Variants in SPTBN4 observed in about 807,000 individuals in gnomAD.
SPTBN4 encodes spectrin beta, non-erythrocytic 4.
A neutral mutation model predicts 277.8 loss-of-function variants in SPTBN4; 96 were observed. The observed-to-expected ratio is 0.35, with a 90% confidence interval of 0.29 to 0.41. SPTBN4 has a LOEUF of 0.41. Ranked by LOEUF, SPTBN4 falls within the 10% of genes least tolerant of loss-of-function variation. The probability of loss-of-function intolerance (pLI) is 1.00; values close to 1 mark genes in which losing one functional copy is unlikely to be tolerated. For synonymous variants in SPTBN4, 1,481 were observed against 1,580.3 expected, an observed-to-expected ratio of 0.94 and a Z score of 1.49; for missense variants, 3,006 against 3,595.7, an observed-to-expected ratio of 0.84 and a Z score of 4.19.
chr19:40,490,150 C>G lies in SPTBN4; in HGVS notation c.397C>G (p.Gln133Glu). The change falls in exon 4 of 36, where the codon CAG becomes GAG. Residue 133 changes from glutamine to glutamate, a missense_variant. By Grantham distance (29) the Gln-to-Glu change is conservative. This residue lies in a region of SPTBN4 where 114 missense variants were observed against 196.1 expected (regional missense o/e 0.58). Coordinates refer to ENST00000598249, the MANE Select transcript of SPTBN4 (RefSeq NM_020971.3). This position sits in a 1 kb window ranked among gnomAD's most constrained non-coding sequence, Gnocchi z 4.3. Reference sequence around the variant, plus strand: ...CAAGGCGCTGCAGTTTCTGAAGGAGCAGCGCGTGCACCTGGAGAACGTGGG... The same window carrying G: ...CAAGGCGCTGCAGTTTCTGAAGGAGGAGCGCGTGCACCTGGAGAACGTGGG... ...VDKALQFLKE[Q>E]RVHLENVGSH... The G allele has an allele frequency of 6.2e-7, 1 of 1,614,200 alleles. No individual in the cohort carries two copies. The highest frequency in any genetic ancestry group is 8.5e-7 in the Non-Finnish European group (1 of 1,180,022).
chr19:40,503,963 G>C lies in SPTBN4; in HGVS notation c.1496G>C (p.Gly499Ala). 6.2e-7 allele frequency: 1 copy of C among 1,613,970 alleles called. No homozygotes were observed. Among genetic ancestry groups the C allele is most frequent in the Non-Finnish European group, 8.5e-7 (1 of 1,179,998 alleles). The change falls in exon 12 of 36, where the codon GGC becomes GCC. Residue 499 changes from glycine to alanine, a missense_variant. By Grantham distance (60) the Gly-to-Ala change is moderately conservative. Coordinates refer to ENST00000598249, the MANE Select transcript of SPTBN4 (RefSeq NM_020971.3). ...CTGGCCCAGGCATTGGCAGCCGAAG[G>C]CTACTACGATATCCGGCGGGTGGCA... ...AELAQALAAE[G>A]YYDIRRVAAQ...
chr19:40,557,415 G>A lies in SPTBN4; in HGVS notation c.5670+12G>A. ...TCCTCGTGTCCCAGGTGGGGCGCCG[G>A]TGGCCATCAGGGCAGGTGGGAGGGC... On this transcript the variant is annotated intron_variant, in intron 26 of 35. Coordinates refer to ENST00000598249, the MANE Select transcript of SPTBN4 (RefSeq NM_020971.3). 6.5e-7 allele frequency: 1 copy of A among 1,545,408 alleles called. No homozygotes were observed. The highest frequency in any genetic ancestry group is 1.9e-5 in the Admixed American group (1 of 52,404).
intron 33 of SPTBN4, 134 bp downstream of exon 33, chr19:40,570,862 A>T: frequency 8.7e-6 from 7 of 804,974 alleles, no homozygotes; most frequent in Non-Finnish European, 1.1e-5. Flanking sequence ...GTGGGGCCAG[A>T]GCTGGGGGGT....
intron 2 of SPTBN4, among the ~76,000 whole-genome samples, chr19:40,478,321 T>TA (rs755651079): frequency 0.014 from 1,998 of 142,584 alleles, 31 homozygotes; most frequent in African/African-American, 0.044. Flanking sequence ...CCCTTTAAGA[T>TA]AAAAAAAAAA....
intron 20 of SPTBN4, among the ~76,000 whole-genome samples, chr19:40,544,124 C>T (rs2080829963): frequency 9.0e-6 from 1 of 111,576 alleles, no homozygotes; most frequent in African/African-American, 3.6e-5. Flanking sequence ...TCTTCTTCTT[C>T]CTCTTTTTTT....
In SPTBN4 at chr19:40,512,623, C is replaced by T; in HGVS notation, c.1834C>T (p.Pro612Ser). ...SQLQGYQPCD[P>S]QVICNRVNHV... ...TGGCTCAGGCTACCAGCCCTGCGAC[C>T]CGCAGGTCATCTGCAACCGCGTGAA... The change falls in exon 14 of 36, where the codon CCG (proline) becomes TCG (serine). Residue 612 changes from proline to serine, a missense_variant. By Grantham distance (74) the Pro-to-Ser change is moderately conservative. Transcript: ENST00000598249. 6.5e-7 allele frequency: 1 copy of T among 1,539,578 alleles called. No individual in the cohort carries two copies. Among genetic ancestry groups the T allele is most frequent in the Non-Finnish European group, 8.7e-7 (1 of 1,150,896 alleles).
chr19:40,472,619 C>T lies in SPTBN4; in HGVS notation c.-3C>T, dbSNP rs2079897543. The T allele has an allele frequency of 6.2e-7, 1 of 1,610,326 alleles. No individual in the cohort carries two copies. The highest frequency in any genetic ancestry group is 1.3e-5 in the African/African-American group (1 of 74,880). ...TCCCTATGTCCAGGCCTCACCTTCCCCGATGGCGCAGGTACCAGGGGAAGT... is the reference window on the plus strand; with the variant it reads ...TCCCTATGTCCAGGCCTCACCTTCCTCGATGGCGCAGGTACCAGGGGAAGT... On this transcript the variant is annotated 5_prime_UTR_variant, in exon 2 of 36. Coordinates refer to ENST00000598249, the MANE Select transcript of SPTBN4 (RefSeq NM_020971.3).
chr19:40,467,534 G>T (rs751868813), intron 1 of SPTBN4, among the ~76,000 whole-genome samples: 1 of 151,972 alleles, frequency 6.6e-6, no homozygotes, highest in Non-Finnish European at 1.5e-5. Flanking sequence ...CTCCTTGGGC[G>T]CAGTGTCTGG....
chr19:40,570,648 A>G lies in SPTBN4; in HGVS notation c.7239A>G (p.Pro2413=), dbSNP rs754059545. The change falls in exon 33 of 36, where the codon CCA becomes CCG. Residue 2413 remains proline (P), a synonymous_variant. Coordinates refer to ENST00000598249, the MANE Select transcript of SPTBN4 (RefSeq NM_020971.3). The part of the protein sequence containing the change: ...AQGGSAPAPP[P]PPTHTVQHEG... ...GCGGCTCCGCCCCCGCGCCTCCGCC[A>G]CCGCCCACTCACACAGTGCAGCACG... 18 of 1,521,704 alleles carry G rather than the reference A, an allele frequency of 1.2e-5. No homozygotes were observed. The highest frequency in any genetic ancestry group is 1.5e-5 in the Non-Finnish European group (17 of 1,137,902). The allele number at this position is 1,521,704 out of a possible 1,614,324, so 94.3% of individuals were successfully genotyped here.
At chr19:40,556,965 G>A (rs952648410) in intron 25 of SPTBN4, 58 bp from the exon 26 acceptor site, 25 of 1,501,050 alleles carry the variant, frequency 1.7e-5, no homozygotes, top group Admixed American at 2.3e-5. Flanking sequence ...GAGGGGGCTG[G>A]TGTATGCTGC....
rs772644168 is a variant in SPTBN4 at position 40,490,162 on chromosome 19, C to A, written c.409C>A (p.Leu137Met). The A allele has an allele frequency of 1.2e-6, 2 of 1,614,216 alleles. No homozygotes were observed. Among genetic ancestry groups the A allele is most frequent in the South Asian group, 2.2e-5 (2 of 91,082 alleles). Reference sequence around the variant, plus strand: ...GTTTCTGAAGGAGCAGCGCGTGCACCTGGAGAACGTGGGTTCGCATGACAT... The same window carrying A: ...GTTTCTGAAGGAGCAGCGCGTGCACATGGAGAACGTGGGTTCGCATGACAT... ...LQFLKEQRVH[L>M]ENVGSHDIVD... Residue 137 changes from leucine (L) to methionine (M), a missense_variant, in exon 4 of 36, where the codon CTG (leucine) becomes ATG (methionine). Around this residue, in one of 5 missense-constraint regions of SPTBN4, gnomAD observed 114 missense variants for 196.1 expected, o/e 0.58. Transcript: ENST00000598249. This position sits in a 1 kb window ranked among gnomAD's most constrained non-coding sequence, Gnocchi z 4.3.
At chr19:40,489,388 T>TTTTG (rs999058935) in intron 3 of SPTBN4, among the ~76,000 whole-genome samples, 3 of 151,550 alleles carry the variant, frequency 2.0e-5, no homozygotes, top group East Asian at 3.9e-4. Flanking sequence ...GACGCGGAGT[T>TTTTG]TTTGTTTGTT....
rs1019085034 is a variant in SPTBN4, at chr19:40,472,756, G to A, written c.135G>A (p.Ser45=). 1.5e-5 allele frequency: 24 copies of A among 1,596,718 alleles called. No individual in the cohort carries two copies. The highest frequency in any genetic ancestry group is 1.4e-4 in the Admixed American group (8 of 57,606). Residue 45 remains serine (S), a synonymous_variant, in exon 2 of 36, where the codon TCG becomes TCA. Transcript: ENST00000598249. ...CGGCTGCGTCCACCGCAGCGGCCTC[G>A]CTCTTTGAGTGCTCCCGGATCAAGG... ...EQPAASTAAA[S]LFECSRIKAL... is the part of the protein sequence containing the mutation.
intron 12 of SPTBN4, among the ~76,000 whole-genome samples, chr19:40,505,704 A>G (rs1010174173): frequency 5.6e-5 from 4 of 71,532 alleles, no homozygotes; most frequent in Non-Finnish European, 1.3e-4. Flanking sequence ...GAAAGGGAGG[A>G]AGGAAGGAAG....
chr19:40,567,725 C>A lies in SPTBN4; in HGVS notation c.6399C>A (p.Phe2133Leu). ...QPPTPLLGRK[F>L]FGDPTELAAK... ...CTACCCCACTGCTGGGGCGCAAGTTCTTTGGGGACCCCACGGAACTGGCGG... is the reference window on the plus strand; with the variant it reads ...CTACCCCACTGCTGGGGCGCAAGTTATTTGGGGACCCCACGGAACTGGCGG... The change falls in exon 31 of 36, where the codon TTC (phenylalanine) becomes TTA (leucine). Residue 2133 changes from phenylalanine (F) to leucine (L), a missense_variant. This residue lies in a region of SPTBN4 where 630 missense variants were observed against 677.6 expected (regional missense o/e 0.93). Coordinates refer to ENST00000598249, the MANE Select transcript of SPTBN4 (RefSeq NM_020971.3). 6.4e-7 allele frequency: 1 copy of A among 1,559,118 alleles called. No individual in the cohort carries two copies. The highest frequency in any genetic ancestry group is 8.7e-7 in the Non-Finnish European group (1 of 1,154,276).
Position 40,519,545 on chromosome 19 carries a change from C to T in SPTBN4, c.3048C>T (p.Ala1016=), listed in dbSNP as rs763564291. 5 of 1,576,264 alleles carry T rather than the reference C, an allele frequency of 3.2e-6. No individual in the cohort carries two copies. Among genetic ancestry groups the T allele is most frequent in the Non-Finnish European group, 2.6e-6 (3 of 1,165,082 alleles). The change falls in exon 16 of 36, where the codon GCC becomes GCT. Residue 1016 remains alanine, a synonymous_variant. Transcript: ENST00000598249. The surrounding 1 kb of genome is among the most constrained non-coding windows in gnomAD (Gnocchi z 5.7). ...GAGCTGTGGAGAGCGCGCCCCGGGC[C>T]GGCGGCGCCCTGCAGTGGCGTCTTA... The part of the protein sequence containing the change: ...KRRAVESAPR[A]GGALQWRLSG...
chr19:40,528,918 T>G, intron 17 of SPTBN4, 123 bp from the exon 18 acceptor site: 1 of 675,756 alleles, frequency 1.5e-6, no homozygotes, highest in East Asian at 2.7e-5. Context: ...AATTCCTCCC[T>G]CTCTCTTACA....
Position 40,556,933 on chromosome 19 carries a change from GA to G in SPTBN4, c.5290-81del, listed in dbSNP as rs1056115846. On this transcript the variant is annotated intron_variant, in intron 25 of 35. Transcript: ENST00000598249. ...ACAGAGCAAGACTCTGTATCAAAAAGAAAAAAAAACATTGTAGGCTGGAGGG... is the reference window on the plus strand; with the variant it reads ...ACAGAGCAAGACTCTGTATCAAAAAGAAAAAAAACATTGTAGGCTGGAGGG... The G allele has an allele frequency of 7.4e-5, 106 of 1,441,558 alleles. 2 individuals are homozygous for G. In the Middle Eastern group the frequency reaches 9.1e-4, roughly 12 times the overall value. 89.3% of individuals were successfully genotyped at this position (1,441,558 alleles called of 1,614,324 possible).
rs2080421485 is a variant in SPTBN4 at position 40,513,647 on chromosome 19, G to A, written c.2765+93G>A. On this transcript the variant is annotated intron_variant, in intron 14 of 35. Transcript: ENST00000598249. ...AACAGTTCCCATGTTTGCTCAGCTG[G>A]AACTAGGAGTTCCAATCCCTGCTTC... The A allele has an allele frequency of 3.1e-6, 4 of 1,296,084 alleles. No individual in the cohort carries two copies. In the African/African-American group the frequency reaches 4.5e-5, roughly 15 times the overall value. The allele number at this position is 1,296,084 out of a possible 1,614,324, so 80.3% of individuals were successfully genotyped here. A position where few individuals can be genotyped will look rare whatever the true frequency, so the allele number is the denominator to read the frequency against.
Sources: gnomAD v4.1 joint callset for allele counts (sites outside exome capture counted in the v4.1 genomes callset) on GRCh38, gnomAD v4.1.1 for gene constraint, gnomAD v4.1.1 regional missense constraint, Gnocchi (gnomAD v3.1) non-coding constraint, MANE v1.5 for transcripts, NCBI Gene and HGNC (gene_info 2026-07-23, HGNC 2026-07-21) for gene names.